The following LHPP variants were observed in gnomAD, a reference collection of about 807,000 sequenced individuals.
The protein encoded by LHPP is hLHPP.
Under a neutral mutation model 30.3 loss-of-function variants are expected in LHPP, and 24 were observed. The observed-to-expected ratio is 0.79, with a 90% CI of 0.57 to 1.11. The LOEUF is 1.11. Among genes scored for constraint, LHPP ranks in the 50% most tolerant of loss-of-function variants. The pLI, the probability that LHPP is intolerant of heterozygous loss-of-function variation, is 0.00. For missense variants in LHPP, 356 were observed against 367.2 expected (o/e 0.97, Z 0.25); for synonymous variants, 150 against 157.1 (o/e 0.95, Z 0.34).
chr10:124,511,655 A>G (rs1954301515), intron 5 of LHPP, among the ~76,000 whole-genome samples: 1 of 152,156 alleles, frequency 6.6e-6, no homozygotes, highest in African/African-American at 2.4e-5. Flanking sequence ...GTCCATGCCG[A>G]GTGGCAGAAA....
chr10:124,483,777 A>C (rs993849540), intron 1 of LHPP, among the ~76,000 whole-genome samples: 11 of 151,964 alleles, frequency 7.2e-5, no homozygotes, highest in Admixed American at 3.3e-4. Flanking sequence ...GAAATAAAAA[A>C]AATAAAGAAG....
At chr10:124,556,394 G>A (rs775396634) in intron 6 of LHPP, among the ~76,000 whole-genome samples, 5 of 152,242 alleles carry the variant, frequency 3.3e-5, no homozygotes, top group Admixed American at 1.3e-4. Flanking sequence ...GCTCCCGCGT[G>A]TGGACGCATC....
intron 6 of LHPP, among the ~76,000 whole-genome samples, chr10:124,573,807 G>GC (rs903164021): frequency 6.6e-6 from 1 of 152,174 alleles, no homozygotes; most frequent in African/African-American, 2.4e-5. Context: ...CCCTAGGCCA[G>GC]CCCAGTCTCT....
chr10:124,499,650 T>A (rs1953844443), intron 5 of LHPP, among the ~76,000 whole-genome samples: 1 of 151,242 alleles, frequency 6.6e-6, no homozygotes, highest in South Asian at 2.1e-4. Flanking sequence ...GTGAGACTCC[T>A]TCTTTAAAAA....
rs970118796 is a variant in LHPP at position 124,502,134 on chromosome 10, C to T, written c.624+4006C>T. 3.0e-4 allele frequency among the ~76,000 whole-genome samples: 45 copies of T among 151,948 alleles called. 1 individual carries two copies. The highest frequency in any genetic ancestry group is 4.3e-4 in the Non-Finnish European group (29 of 68,046). The stretch of plus-strand genomic sequence containing the variant: ...GTTCACGTGTACCGTTCAGCAGCTT[C>T]CCCATCATCATCGAGCAGTGATAAA... On this transcript the variant is annotated intron_variant, in intron 5 of 6. Transcript: ENST00000368842.
chr10:124,521,558 G>A (rs187845022), intron 6 of LHPP, among the ~76,000 whole-genome samples: 2 of 152,322 alleles, frequency 1.3e-5, no homozygotes, highest in East Asian at 3.9e-4. Context: ...TCTGTCCTCT[G>A]TTGGTGGCCT....
At chr10:124,468,087 G>C (rs1952613434) in intron 1 of LHPP, among the ~76,000 whole-genome samples, 1 of 152,172 alleles carries the variant, frequency 6.6e-6, no homozygotes, top group African/African-American at 2.4e-5. Flanking sequence ...GGGGTGTTGG[G>C]AAATGTCACA....
intron 1 of LHPP, among the ~76,000 whole-genome samples, chr10:124,479,341 T>C (rs1162073300): frequency 6.6e-6 from 1 of 152,228 alleles, no homozygotes; most frequent in Non-Finnish European, 1.5e-5. Context: ...GAGCCGCACC[T>C]GACTAGGGCT....
chr10:124,486,929 C>G (rs1953346990), intron 2 of LHPP, among the ~76,000 whole-genome samples: 1 of 152,188 alleles, frequency 6.6e-6, no homozygotes, highest in Non-Finnish European at 1.5e-5. Flanking sequence ...GAAGACAGGC[C>G]TTTTTTGGAA....
chr10:124,567,050 C>T (rs1948503008), intron 6 of LHPP, among the ~76,000 whole-genome samples: 1 of 152,100 alleles, frequency 6.6e-6, no homozygotes, highest in African/African-American at 2.4e-5. Context: ...AGAGGGAGGG[C>T]GGGGGTCCAG....
intron 6 of LHPP, among the ~76,000 whole-genome samples, chr10:124,528,771 G>A (rs957873746): frequency 1.5e-5 from 2 of 134,122 alleles, no homozygotes; most frequent in Admixed American, 1.5e-4. Flanking sequence ...ACCTACTATG[G>A]CCAGGCGCTG....
intron 5 of LHPP, chr10:124,498,706 C>G (rs1384252664): frequency 3.0e-5 from 14 of 465,184 alleles, no homozygotes; most frequent in Admixed American, 2.4e-4. Flanking sequence ...CATTTGTCAC[C>G]CTGGCTAGAG....
At chr10:124,594,927 A>G (rs1485502000) in intron 6 of LHPP, among the ~76,000 whole-genome samples, 1 of 152,108 alleles carries the variant, frequency 6.6e-6, no homozygotes, top group East Asian at 1.9e-4. Context: ...CACCGCACCC[A>G]GCCCCTTTGC....
At chr10:124,499,127 G>T (rs746949964) in intron 5 of LHPP, among the ~76,000 whole-genome samples, 1 of 151,798 alleles carries the variant, frequency 6.6e-6, no homozygotes, top group South Asian at 2.1e-4. Flanking sequence ...TTATCTGCCC[G>T]CCTTGGCCTC....
chr10:124,581,431 G>C (rs1948740833), intron 6 of LHPP, among the ~76,000 whole-genome samples: 2 of 152,202 alleles, frequency 1.3e-5, no homozygotes, highest in South Asian at 4.1e-4. Context: ...GAGTGGAATT[G>C]CTGGGTCACG....
intron 6 of LHPP, among the ~76,000 whole-genome samples, chr10:124,543,641 G>T (rs544572491): frequency 6.6e-6 from 1 of 152,342 alleles, no homozygotes; most frequent in East Asian, 1.9e-4. Context: ...CAGCTGTGTG[G>T]AGGGGTCCGT....
intron 6 of LHPP, chr10:124,526,252 G>A (rs1260779666): frequency 1.0e-6 from 1 of 985,176 alleles, no homozygotes; most frequent in Non-Finnish European, 1.2e-6. Flanking sequence ...GAGCTGGAAG[G>A]GGGATAACGC....
intron 3 of LHPP, among the ~76,000 whole-genome samples, chr10:124,495,807 A>G (rs1390500394): frequency 1.3e-5 from 2 of 152,204 alleles, no homozygotes; most frequent in Admixed American, 6.5e-5. Flanking sequence ...CATGGAAGGT[A>G]CCGAGTTAAT....
At chr10:124,526,999 TA>T (rs2133924690) in intron 6 of LHPP, among the ~76,000 whole-genome samples, 1 of 152,322 alleles carries the variant, frequency 6.6e-6, no homozygotes, top group East Asian at 1.9e-4. Flanking sequence ...TCTCTAACCT[TA>T]ACATGAACCT....
Sources: gnomAD v4.1 joint callset for allele counts (sites outside exome capture counted in the v4.1 genomes callset) on GRCh38, gnomAD v4.1.1 for gene constraint, MANE v1.5 for transcripts, NCBI Gene and HGNC (gene_info 2026-07-23, HGNC 2026-07-21) for gene names.